MTUS2: variants seen among roughly 807,000 people sequenced by gnomAD.
The protein encoded by MTUS2 is microtubule associated scaffold protein 2, also known as microtubule-associated tumor suppressor candidate 2.
MTUS2 carries 40 observed loss-of-function variants against 114.1 expected under a neutral mutation model. The ratio of observed to expected loss-of-function variants is 0.35; its 90% CI spans 0.27 to 0.46. The LOEUF (loss-of-function observed/expected upper bound fraction) is 0.46, where lower values mean the gene tolerates loss of function less well. MTUS2 is among the 20% of genes least tolerant of loss of function. The pLI is 1.00. For synonymous variants in MTUS2, 688 were observed against 672.0 expected (o/e 1.02, Z -0.37); for missense variants, 1,679 against 1,705.4 (o/e 0.98, Z 0.27).
At chr13:29,461,541 C>A (rs1486721128) in intron 9 of MTUS2, among the ~76,000 whole-genome samples, 1 of 152,186 alleles carries the variant, frequency 6.6e-6, no homozygotes, top group East Asian at 1.9e-4. Context: ...CAACAGAAAG[C>A]AGTTGGAATG....
At chr13:28,963,386 A>G (rs997699096) in intron 2 of MTUS2, among the ~76,000 whole-genome samples, 1 of 152,198 alleles carries the variant, frequency 6.6e-6, no homozygotes, top group Non-Finnish European at 1.5e-5. Flanking sequence ...AAAAAGAAAT[A>G]GAGTATCTGC....
chr13:29,167,401 A>G (rs1315315684), intron 5 of MTUS2, among the ~76,000 whole-genome samples: 1 of 136,094 alleles, frequency 7.3e-6, no homozygotes, highest in East Asian at 2.2e-4. Context: ...GATTTCTAAT[A>G]ATGTAACCAC....
At chr13:29,177,412 A>G (rs1408313781) in intron 5 of MTUS2, among the ~76,000 whole-genome samples, 2 of 150,910 alleles carry the variant, frequency 1.3e-5, no homozygotes, top group East Asian at 3.9e-4. Context: ...GAAAATTATC[A>G]TAGGCCCTAA....
chr13:29,360,696 C>T (rs932952295), intron 8 of MTUS2, among the ~76,000 whole-genome samples: 124 of 136,256 alleles, frequency 9.1e-4, no homozygotes, highest in Non-Finnish European at 1.8e-3. Context: ...ACACCCCCCC[C>T]CCCCCGTAAG....
chr13:29,477,551 C>T (rs73154403), intron 9 of MTUS2, among the ~76,000 whole-genome samples: 8,608 of 152,172 alleles, frequency 0.057, 269 homozygotes, highest in South Asian at 0.067. Flanking sequence ...GGACTGTAGC[C>T]TCCAGTGATC....
intron 8 of MTUS2, among the ~76,000 whole-genome samples, chr13:29,370,232 A>G (rs1871088357): frequency 6.6e-6 from 1 of 152,110 alleles, no homozygotes; most frequent in Non-Finnish European, 1.5e-5. Context: ...TATGGTTTGC[A>G]TGTGTCCCCC....
chr13:29,374,930 AAAAAT>A (rs59319980), intron 8 of MTUS2, among the ~76,000 whole-genome samples: 13 of 151,976 alleles, frequency 8.6e-5, no homozygotes, highest in African/African-American at 2.4e-4. Context: ...CTGTCTCAAA[AAAAAT>A]AAAATAAGAA....
chr13:29,486,790 G>A (rs535853710), intron 10 of MTUS2, among the ~76,000 whole-genome samples: 2 of 152,194 alleles, frequency 1.3e-5, no homozygotes, highest in Non-Finnish European at 2.9e-5. Context: ...TGTGTGCACT[G>A]TGATATTGTG....
At chr13:29,290,603 T>G (rs1233605143) in intron 6 of MTUS2, among the ~76,000 whole-genome samples, 2 of 152,176 alleles carry the variant, frequency 1.3e-5, no homozygotes, top group African/African-American at 4.8e-5. Flanking sequence ...GTGCTGGGAT[T>G]ACAGGCGTTA....
At chr13:29,108,636 G>T (rs1890763591) in intron 5 of MTUS2, among the ~76,000 whole-genome samples, 1 of 152,166 alleles carries the variant, frequency 6.6e-6, no homozygotes, top group Non-Finnish European at 1.5e-5. Flanking sequence ...GGAATGGGGA[G>T]ACAGGATTAT....
intron 1 of MTUS2, among the ~76,000 whole-genome samples, chr13:28,829,886 G>A (rs144480665): frequency 5.1e-4 from 77 of 152,274 alleles, no homozygotes; most frequent in African/African-American, 1.7e-3. Flanking sequence ...TGTATGTCCA[G>A]GAAATACTTA....
chr13:29,124,920 CAG>C (rs767397419), intron 5 of MTUS2, among the ~76,000 whole-genome samples: 10 of 152,062 alleles, frequency 6.6e-5, no homozygotes, highest in East Asian at 1.9e-4. Flanking sequence ...ATGGGGTTGT[CAG>C]GGGCTAAAGA....
chr13:29,007,404 T>A (rs1885647715), intron 2 of MTUS2, among the ~76,000 whole-genome samples: 1 of 152,200 alleles, frequency 6.6e-6, no homozygotes, highest in South Asian at 2.1e-4. Context: ...AGATGCTCTG[T>A]CTTTTGATTT....
At chr13:29,043,650 G>A (rs1226134018) in intron 4 of MTUS2, among the ~76,000 whole-genome samples, 3 of 151,304 alleles carry the variant, frequency 2.0e-5, no homozygotes, top group Admixed American at 6.6e-5. Flanking sequence ...TATATATTTA[G>A]GGTTGTGATA....
intron 7 of MTUS2, among the ~76,000 whole-genome samples, chr13:29,349,075 T>C (rs566983305): frequency 6.6e-6 from 1 of 152,296 alleles, no homozygotes; most frequent in South Asian, 2.1e-4. Flanking sequence ...GTATTTTCTA[T>C]TTAACCCATA....
chr13:29,281,615 G>C (rs928447136), intron 5 of MTUS2, 89 bp from the exon 6 acceptor site: 1 of 1,368,692 alleles, frequency 7.3e-7, no homozygotes, highest in Non-Finnish European at 1.0e-6. Flanking sequence ...AGCAGATGAC[G>C]GCAGTAGGAT....
chr13:29,409,355 G>C (rs7994960), intron 8 of MTUS2, among the ~76,000 whole-genome samples: 1,811 of 152,102 alleles, frequency 0.012, 32 homozygotes, highest in African/African-American at 0.041. Flanking sequence ...TTTGTGTATA[G>C]TTATTATTAT....
At chr13:29,235,303 G>T (rs562916161) in intron 5 of MTUS2, among the ~76,000 whole-genome samples, 7 of 152,184 alleles carry the variant, frequency 4.6e-5, no homozygotes, top group African/African-American at 1.7e-4. Context: ...ATGTTGGTCA[G>T]GCTAATCTCG....
intron 2 of MTUS2, among the ~76,000 whole-genome samples, chr13:29,000,966 T>G (rs1885359027): frequency 6.6e-6 from 1 of 152,316 alleles, no homozygotes; most frequent in East Asian, 1.9e-4. Context: ...CCAGTTCCGC[T>G]GAACACTTGT....
Sources: gnomAD v4.1 joint callset for allele counts (sites outside exome capture counted in the v4.1 genomes callset) on GRCh38, gnomAD v4.1.1 for gene constraint, MANE v1.5 for transcripts, NCBI Gene and HGNC (gene_info 2026-07-23, HGNC 2026-07-21) for gene names.